Variants in VSIR observed in about 807,000 individuals in gnomAD.
VSIR encodes V-type immunoglobulin domain-containing suppressor of T-cell activation.
Under a neutral mutation model 31.0 loss-of-function variants are expected in VSIR, and 10 were observed. The ratio of observed to expected loss-of-function variants is 0.32; its 90% CI spans 0.20 to 0.55. The LOEUF (loss-of-function observed/expected upper bound fraction) is 0.55, where lower values mean the gene tolerates loss of function less well. VSIR is among the 20% of genes least tolerant of loss of function. VSIR has a pLI of 0.93. For synonymous variants in VSIR, 179 were observed against 180.1 expected, an observed-to-expected ratio of 0.99 and a Z score of 0.05; for missense variants, 356 against 416.2, an observed-to-expected ratio of 0.86 and a Z score of 1.26.
At chr10:71,752,503 C>G (rs1840030010) in intron 5 of VSIR, among the ~76,000 whole-genome samples, 1 of 152,194 alleles carries the variant, frequency 6.6e-6, no homozygotes, top group African/African-American at 2.4e-5. Context: ...CACCAATACA[C>G]AGTCCCCATC....
intron 5 of VSIR, chr10:71,752,064 G>A: frequency 2.8e-6 from 2 of 706,912 alleles, no homozygotes; most frequent in East Asian, 2.7e-5. Context: ...CCTGAGCTGA[G>A]GGCATCAGGG....
chr10:71,759,488 C>CAG (rs767307002), intron 3 of VSIR, among the ~76,000 whole-genome samples: 2 of 150,606 alleles, frequency 1.3e-5, no homozygotes, highest in African/African-American at 4.9e-5. Context: ...GCCTGAGTGA[C>CAG]AGAGAGAGAG....
chr10:71,773,409 T>G lies in VSIR; in HGVS notation c.31A>C (p.Ser11Arg). 1 of 1,608,706 alleles carries G rather than the reference T, an allele frequency of 6.2e-7. No homozygotes were observed. Among genetic ancestry groups the G allele is most frequent in the Non-Finnish European group, 8.5e-7 (1 of 1,178,042 alleles). Reference protein sequence around the residue: MGVPTALEAGSWRWGSLLFAL... With the variant: MGVPTALEAGRWRWGSLLFAL... ...AAGAGCAGGGATCCCCAGCGCCAGC[T>G]GCCGGCCTCCAGGGCCGTGGGGACG... The change falls in exon 1 of 7, where the codon AGC becomes CGC. Residue 11 changes from serine to arginine, a missense_variant. Ser to Arg is a moderately radical substitution (Grantham distance 110). This residue lies in a region of VSIR where 166 missense variants were observed against 231.0 expected (regional missense o/e 0.72). Transcript: ENST00000394957.
chr10:71,767,466 T>C (rs1000365134), intron 1 of VSIR, among the ~76,000 whole-genome samples: 6 of 152,180 alleles, frequency 3.9e-5, no homozygotes, highest in Admixed American at 6.5e-5. Context: ...CTGCACTAGA[T>C]GCAAAAGGTC....
At chr10:71,761,529 T>C (rs1365069840) in intron 2 of VSIR, 69 bp downstream of exon 2, 2 of 1,460,136 alleles carry the variant, frequency 1.4e-6, no homozygotes, top group Admixed American at 2.3e-5. Flanking sequence ...CACAGTGTCA[T>C]GAATGGTCAC....
In VSIR at chr10:71,748,978, G is replaced by C. The variant is rs77870539; in HGVS notation, c.*2275C>G. The C allele has an allele frequency of 0.016, 2,377 of 152,810 alleles. 54 individuals are homozygous for C. Among genetic ancestry groups the C allele is most frequent in the African/African-American group, 0.055 (2,287 of 41,596 alleles). 9.5% of individuals were successfully genotyped at this position (152,810 alleles called of 1,614,324 possible). ...TTCAGTTGTAAAAGGGTCCAGAGAA[G>C]AGAGGGCAGGGCCGCACCAGAGGAA... is the stretch of plus-strand genomic sequence containing the variant. On this transcript the variant is annotated 3_prime_UTR_variant, in exon 7 of 7. Coordinates refer to ENST00000394957, the MANE Select transcript of VSIR (RefSeq NM_022153.2).
rs1259591403 is a variant in VSIR, at chr10:71,761,783, G to A, written c.326C>T (p.Thr109Ile). 6.2e-7 allele frequency: 1 copy of A among 1,614,066 alleles called. No individual in the cohort carries two copies. The highest frequency in any genetic ancestry group is 2.2e-5 in the East Asian group (1 of 44,898). Residue 109 changes from threonine (T) to isoleucine (I), a missense_variant, in exon 2 of 7, where the codon ACC becomes ATC. By Grantham distance (89) the Thr-to-Ile change is moderately conservative. Coordinates refer to ENST00000394957, the MANE Select transcript of VSIR (RefSeq NM_022153.2). The part of the protein sequence containing the change: ...LHHGGHQAAN[T>I]SHDLAQRHGL... ...GTGGCGCTGAGCCAGGTCGTGGCTG[G>A]TGTTGGCAGCCTGGTGGCCTCCATG...
At chr10:71,768,256 C>T (rs777856099) in intron 1 of VSIR, among the ~76,000 whole-genome samples, 3 of 152,094 alleles carry the variant, frequency 2.0e-5, no homozygotes, top group East Asian at 1.9e-4. Context: ...CTGCAACCTC[C>T]GCCTCCCAGG....
At chr10:71,754,444 C>T (rs1047088246) in intron 4 of VSIR, among the ~76,000 whole-genome samples, 3 of 152,128 alleles carry the variant, frequency 2.0e-5, no homozygotes, top group African/African-American at 7.2e-5. Context: ...TCAGTTACCT[C>T]TGTAGCCAGG....
chr10:71,770,521 G>A (rs1260208842), intron 1 of VSIR, among the ~76,000 whole-genome samples: 1 of 152,240 alleles, frequency 6.6e-6, no homozygotes, highest in African/African-American at 2.4e-5. Context: ...TGGGGCCACT[G>A]GAAGCCACAG....
rs775558013 is a variant in VSIR, at chr10:71,751,676, G to A, written c.890C>T (p.Pro297Leu). ...GGTCAGGAAACACTTACCCAGGGAT[G>A]GGAAGAAGACGTCTCCGGGGCCTGG... ...SPPGPGDVFF[P>L]SLDPVPDSPN... The change falls in exon 6 of 7, where the codon CCA becomes CTA. Residue 297 changes from proline (P) to leucine (L), a missense_variant. By Grantham distance (98) the Pro-to-Leu change is moderately conservative. Transcript: ENST00000394957. The surrounding 1 kb of genome is among the most constrained non-coding windows in gnomAD (Gnocchi z 4.9). 3.3e-6 allele frequency: 5 copies of A among 1,531,504 alleles called. No individual in the cohort carries two copies. The Admixed American group carries it at 1.1e-4, about 33-fold the overall frequency. The allele number at this position is 1,531,504 out of a possible 1,614,324, so 94.9% of individuals were successfully genotyped here. A position where few individuals can be genotyped will look rare whatever the true frequency, so the allele number is the denominator to read the frequency against.
Position 71,751,680 on chromosome 10 carries a change from A to G in VSIR, c.886T>C (p.Phe296Leu), listed in dbSNP as rs1367126222. The G allele has an allele frequency of 1.4e-5, 22 of 1,536,042 alleles. No homozygotes were observed. Among genetic ancestry groups the G allele is most frequent in the Non-Finnish European group, 1.8e-5 (21 of 1,143,278 alleles). ...LSPPGPGDVF[F>L]PSLDPVPDSP... is the part of the protein sequence containing the mutation. Reference sequence around the variant, plus strand: ...AGGAAACACTTACCCAGGGATGGGAAGAAGACGTCTCCGGGGCCTGGAGGA... The same window carrying G: ...AGGAAACACTTACCCAGGGATGGGAGGAAGACGTCTCCGGGGCCTGGAGGA... The change falls in exon 6 of 7, where the codon TTC becomes CTC. Residue 296 changes from phenylalanine (F) to leucine (L), a missense_variant. Coordinates refer to ENST00000394957, the MANE Select transcript of VSIR (RefSeq NM_022153.2). The surrounding 1 kb of genome is among the most constrained non-coding windows in gnomAD (Gnocchi z 4.9).
At chr10:71,767,150 G>A (rs144325574) in intron 1 of VSIR, among the ~76,000 whole-genome samples, 1 of 152,196 alleles carries the variant, frequency 6.6e-6, no homozygotes, top group Admixed American at 6.5e-5. Context: ...CAAGGGAAAG[G>A]AGCTCTTGTT....
At position 71,747,846 on chromosome 10, in the gene VSIR, C is replaced by G. The variant is rs1431197273; in HGVS notation, c.*3407G>C. Reference sequence around the variant, plus strand: ...AAGCTATATTGATCATTCAGAATCCCTCTCAACACATTCCAGGATAGTTAG... The same window carrying G: ...AAGCTATATTGATCATTCAGAATCCGTCTCAACACATTCCAGGATAGTTAG... On this transcript the variant is annotated 3_prime_UTR_variant, in exon 7 of 7. Coordinates refer to ENST00000394957, the MANE Select transcript of VSIR (RefSeq NM_022153.2). 1 of 152,260 alleles carries G rather than the reference C, an allele frequency of 6.6e-6. No homozygotes were observed. Among genetic ancestry groups the G allele is most frequent in the Non-Finnish European group, 1.5e-5 (1 of 68,056 alleles). 9.4% of individuals were successfully genotyped at this position (152,260 alleles called of 1,614,324 possible).
intron 1 of VSIR, among the ~76,000 whole-genome samples, chr10:71,765,805 G>T (rs1248293554): frequency 6.6e-6 from 1 of 152,144 alleles, no homozygotes; most frequent in Non-Finnish European, 1.5e-5. Flanking sequence ...TAGGATTCAA[G>T]TTTGGGGAGC....
At position 71,761,788 on chromosome 10, in the gene VSIR, G is replaced by A. The variant is rs1840394249; in HGVS notation, c.321C>T (p.Ala107=). The A allele has an allele frequency of 1.9e-6, 3 of 1,614,036 alleles. No individual in the cohort carries two copies. Among genetic ancestry groups the A allele is most frequent in the Admixed American group, 1.7e-5 (1 of 60,000 alleles). ...LHLHHGGHQA[A]NTSHDLAQRH... The stretch of plus-strand genomic sequence containing the variant: ...GCTGAGCCAGGTCGTGGCTGGTGTT[G>A]GCAGCCTGGTGGCCTCCATGGTGCA... The change falls in exon 2 of 7, where the codon GCC becomes GCT. Residue 107 remains alanine, a synonymous_variant. Transcript: ENST00000394957.
rs761185707 is a variant in VSIR, at chr10:71,751,803, G to T, written c.763C>A (p.Pro255Thr). 5 of 1,594,780 alleles carry T rather than the reference G, an allele frequency of 3.1e-6. No homozygotes were observed. In the African/African-American group the frequency reaches 5.4e-5, roughly 17 times the overall value. ...AGGGGGTGCCTGACTTTGGCCTCGG[G>T]TATCCCCTGGGCAGGTGGTGAGGCT... ...FEASPPAQGI[P>T]EAKVRHPLSY... Residue 255 changes from proline (P) to threonine (T), a missense_variant, in exon 6 of 7, where the codon CCC becomes ACC. Physicochemically the swap from Pro to Thr is conservative, Grantham distance 38. This residue lies in a region of VSIR where 190 missense variants were observed against 185.2 expected (regional missense o/e 1.03). Transcript: ENST00000394957. This position sits in a 1 kb window ranked among gnomAD's most constrained non-coding sequence, Gnocchi z 4.9.
rs1227213987 is a variant in VSIR, at chr10:71,749,633, C to T, written c.*1620G>A. 2 of 152,380 alleles carry T rather than the reference C, an allele frequency of 1.3e-5. No homozygotes were observed. Among genetic ancestry groups the T allele is most frequent in the African/African-American group, 2.4e-5 (1 of 41,468 alleles). 9.4% of individuals were successfully genotyped at this position (152,380 alleles called of 1,614,324 possible). On this transcript the variant is annotated 3_prime_UTR_variant, in exon 7 of 7. Coordinates refer to ENST00000394957, the MANE Select transcript of VSIR (RefSeq NM_022153.2). ...ATCTCCGGGCCTATGTTTACCCTCT[C>T]CTCAAAGCCCCTGGCCCAGCCCAGG...
chr10:71,770,394 G>T (rs1840659356), intron 1 of VSIR, among the ~76,000 whole-genome samples: 1 of 152,188 alleles, frequency 6.6e-6, no homozygotes, highest in African/African-American at 2.4e-5. Flanking sequence ...TTTAAGCCTA[G>T]GTCTGAGTGA....
Sources: gnomAD v4.1 joint callset for allele counts (sites outside exome capture counted in the v4.1 genomes callset) on GRCh38, gnomAD v4.1.1 for gene constraint, gnomAD v4.1.1 regional missense constraint, Gnocchi (gnomAD v3.1) non-coding constraint, MANE v1.5 for transcripts, NCBI Gene and HGNC (gene_info 2026-07-23, HGNC 2026-07-21) for gene names.